Variants in RGP1 observed in about 807,000 individuals in gnomAD.
RGP1 encodes the protein RAB6A-GEF complex partner protein 2.
RGP1 carries 28 observed loss-of-function variants against 44.5 expected under a neutral mutation model. The ratio of observed to expected loss-of-function variants is 0.63; its 90% CI spans 0.47 to 0.86. The LOEUF is 0.86. Among genes scored for constraint, RGP1 ranks in the 40% least tolerant of loss-of-function variants. The pLI is 0.00. For synonymous variants in RGP1, 212 were observed against 196.7 expected (o/e 1.08, Z -0.65); for missense variants, 417 against 490.7 (o/e 0.85, Z 1.42).
chr9:35,783,273 A>G, the RGP1 span, among the ~76,000 whole-genome samples: 1 of 152,224 alleles, frequency 6.6e-6, no homozygotes, highest in East Asian at 1.9e-4. Context: ...GTGTGTAATT[A>G]TCAAATTAAG....
the RGP1 span, among the ~76,000 whole-genome samples, chr9:35,784,409 C>G: frequency 6.6e-6 from 1 of 152,128 alleles, no homozygotes; most frequent in Non-Finnish European, 1.5e-5. Flanking sequence ...AGTCTTTAAT[C>G]CATTTTGAGT....
the RGP1 span, among the ~76,000 whole-genome samples, chr9:35,789,022 T>G: frequency 1.3e-5 from 2 of 152,184 alleles, no homozygotes; most frequent in African/African-American, 4.8e-5. Context: ...TGTTTTCTTT[T>G]CCTTTCTTTC....
chr9:35,780,261 C>T, the RGP1 span: 2 of 152,204 alleles, frequency 1.3e-5, no homozygotes, highest in Non-Finnish European at 2.9e-5. Context: ...CTTCTCTCCA[C>T]CGCAGGTTCC....
chr9:35,762,427 A>G (rs944459791), downstream of RGP1, among the ~76,000 whole-genome samples: 2 of 152,202 alleles, frequency 1.3e-5, no homozygotes, highest in Admixed American at 6.5e-5. Context: ...TATTGTTCAT[A>G]TAGAGGTTAG....
chr9:35,761,707 A>G (rs1827418451), downstream of RGP1, among the ~76,000 whole-genome samples: 1 of 152,138 alleles, frequency 6.6e-6, no homozygotes, highest in African/African-American at 2.4e-5. Context: ...AAACCCCAAA[A>G]AAACAAAAAC....
chr9:35,756,814 C>T lies in RGP1; in HGVS notation c.*3940C>T, dbSNP rs1827363980. On this transcript the variant is annotated 3_prime_UTR_variant, in exon 9 of 9. Transcript: ENST00000378078. ...TCGCCAGTGGGGATTGGTGCGTGTGCGGAAACGGGGACAGAAGTGAAGGTT... is the reference window on the plus strand; with the variant it reads ...TCGCCAGTGGGGATTGGTGCGTGTGTGGAAACGGGGACAGAAGTGAAGGTT... 1 of 152,614 alleles carries T rather than the reference C, an allele frequency of 6.6e-6. No individual in the cohort carries two copies. Among genetic ancestry groups the T allele is most frequent in the Non-Finnish European group, 1.5e-5 (1 of 68,218 alleles). 9.5% of individuals were successfully genotyped at this position (152,614 alleles called of 1,614,324 possible).
downstream of RGP1, among the ~76,000 whole-genome samples, chr9:35,761,689 C>T (rs1827417910): frequency 6.6e-6 from 1 of 151,922 alleles, no homozygotes; most frequent in Non-Finnish European, 1.5e-5. Flanking sequence ...AACAAACAAA[C>T]AAACAAAAAA....
At chr9:35,783,916 A>T in the RGP1 span, among the ~76,000 whole-genome samples, 1 of 152,218 alleles carries the variant, frequency 6.6e-6, no homozygotes. Context: ...CTAGTATAAA[A>T]GTTCTCCTTT....
the RGP1 span, among the ~76,000 whole-genome samples, chr9:35,775,831 G>A: frequency 6.6e-6 from 1 of 152,128 alleles, no homozygotes; most frequent in South Asian, 2.1e-4. Context: ...GCTGATGGTG[G>A]GATGTAGTTC....
the RGP1 span, among the ~76,000 whole-genome samples, chr9:35,765,273 C>T: frequency 3.3e-5 from 5 of 152,108 alleles, no homozygotes; most frequent in South Asian, 8.3e-4. Flanking sequence ...ACATTTAAGT[C>T]TTTGTGGACA....
chr9:35,753,922 C>G lies in RGP1; in HGVS notation c.*1048C>G. ...TGGAGGAAGCCTGGGTATTTTGACA[C>G]GGGATCATCTGTAAGGCCCCATCCT... On this transcript the variant is annotated 3_prime_UTR_variant, in exon 9 of 9. Coordinates refer to ENST00000378078, the MANE Select transcript of RGP1 (RefSeq NM_001080496.3). The surrounding 1 kb of genome is among the most constrained non-coding windows in gnomAD (Gnocchi z 4.2). 1 of 1,561,030 alleles carries G rather than the reference C, an allele frequency of 6.4e-7. No individual in the cohort carries two copies. The highest frequency in any genetic ancestry group is 8.7e-7 in the Non-Finnish European group (1 of 1,149,134).
downstream of RGP1, among the ~76,000 whole-genome samples, chr9:35,761,703 C>A (rs1827418278): frequency 6.6e-6 from 1 of 151,768 alleles, no homozygotes; most frequent in African/African-American, 2.4e-5. Flanking sequence ...CAAAAAACCC[C>A]AAAAAAACAA....
At chr9:35,764,168 T>C in the RGP1 span, among the ~76,000 whole-genome samples, 1 of 152,176 alleles carries the variant, frequency 6.6e-6, no homozygotes, top group Non-Finnish European at 1.5e-5. Flanking sequence ...GTGAAGTGTT[T>C]TGTTTTCCCA....
downstream of RGP1, among the ~76,000 whole-genome samples, chr9:35,763,232 CTGTT>C (rs1218579862): frequency 6.6e-6 from 1 of 152,150 alleles, no homozygotes; most frequent in African/African-American, 2.4e-5. Context: ...TGAGATTTCC[CTGTT>C]TAAGAACCTT....
chr9:35,768,144 C>G, the RGP1 span, among the ~76,000 whole-genome samples: 1 of 149,322 alleles, frequency 6.7e-6, no homozygotes, highest in South Asian at 2.1e-4. Flanking sequence ...GGCTCTGTCG[C>G]TCTGATGCAG....
downstream of RGP1, among the ~76,000 whole-genome samples, chr9:35,759,613 A>G (rs914528080): frequency 7.2e-6 from 1 of 138,364 alleles, no homozygotes. Flanking sequence ...ATTCTTTGCT[A>G]TGAAACTGAA....
At position 35,756,190 on chromosome 9, in the gene RGP1, C is replaced by T. The variant is rs1209653495; in HGVS notation, c.*3316C>T. ...AAAGACCCATGTTCTAGGTATTCTC[C>T]ATAGGGATAGTCTCTTTGGCATTTA... is the stretch of plus-strand genomic sequence containing the variant. On this transcript the variant is annotated 3_prime_UTR_variant, in exon 9 of 9. Coordinates refer to ENST00000378078, the MANE Select transcript of RGP1 (RefSeq NM_001080496.3). 2.0e-5 allele frequency: 3 copies of T among 152,290 alleles called. No homozygotes were observed. The highest frequency in any genetic ancestry group is 2.9e-5 in the Non-Finnish European group (2 of 68,088). 9.4% of individuals were successfully genotyped at this position (152,290 alleles called of 1,614,324 possible).
Position 35,750,687 on chromosome 9 carries a change from C to G in RGP1, c.283C>G (p.Pro95Ala). 1 of 1,613,972 alleles carries G rather than the reference C, an allele frequency of 6.2e-7. No individual in the cohort carries two copies. Among genetic ancestry groups the G allele is most frequent in the Non-Finnish European group, 8.5e-7 (1 of 1,179,878 alleles). Reference sequence around the variant, plus strand: ...GAGGGGCCAGTGTATCCTTTCTACTCCACCGAAAATTCTATTCTGTGACCT... The same window carrying G: ...GAGGGGCCAGTGTATCCTTTCTACTGCACCGAAAATTCTATTCTGTGACCT... The part of the protein sequence containing the change: ...GERGQCILST[P>A]PKILFCDLRL... The change falls in exon 4 of 9, where the codon CCA (proline) becomes GCA (alanine). Residue 95 changes from proline to alanine, a missense_variant. Coordinates refer to ENST00000378078, the MANE Select transcript of RGP1 (RefSeq NM_001080496.3).
At chr9:35,770,492 GGAGAGAGAGAGAGAGAGA>G in the RGP1 span, among the ~76,000 whole-genome samples, 5,865 of 107,138 alleles carry the variant, frequency 0.055, 422 homozygotes, top group African/African-American at 0.2. Context: ...GTATTACCAT[GGAGAGAGAGAGAGAGAGA>G]GAGAGAGAGA....
Sources: gnomAD v4.1 joint callset for allele counts (sites outside exome capture counted in the v4.1 genomes callset) on GRCh38, gnomAD v4.1.1 for gene constraint, Gnocchi (gnomAD v3.1) non-coding constraint, MANE v1.5 for transcripts, NCBI Gene and HGNC (gene_info 2026-07-23, HGNC 2026-07-21) for gene names.